The following PCDH9 variants were observed in gnomAD, a reference collection of about 807,000 sequenced individuals.
PCDH9 encodes protocadherin-9.
A neutral mutation model predicts 70.6 loss-of-function variants in PCDH9; 24 were observed. The observed-to-expected ratio is 0.34, with a 90% CI of 0.25 to 0.48. The LOEUF (loss-of-function observed/expected upper bound fraction) is 0.48. Ranked by LOEUF, PCDH9 falls within the 20% of genes least tolerant of loss-of-function variation. The pLI, the probability that PCDH9 is intolerant of heterozygous loss-of-function variation, is 0.99. For missense variants in PCDH9, 1,281 were observed against 1,503.6 expected (o/e 0.85, Z 2.45); for synonymous variants, 562 against 558.5 (o/e 1.01, Z -0.09).
chr13:66,868,321 TTG>T (rs1304198435), intron 3 of PCDH9, among the ~76,000 whole-genome samples: 5 of 152,040 alleles, frequency 3.3e-5, no homozygotes, highest in Admixed American at 3.3e-4. Context: ...ATGGTGAATT[TTG>T]ATAACATTGA....
At chr13:66,790,158 C>T (rs887204610) in intron 3 of PCDH9, among the ~76,000 whole-genome samples, 9 of 151,872 alleles carry the variant, frequency 5.9e-5, no homozygotes, top group African/African-American at 1.2e-4. Context: ...AAATGTAAAA[C>T]GGTATTTCAT....
chr13:66,727,375 G>C (rs549704728), intron 3 of PCDH9, among the ~76,000 whole-genome samples: 7 of 151,986 alleles, frequency 4.6e-5, no homozygotes, highest in Admixed American at 2.0e-4. Context: ...TTTTTAATTT[G>C]CTATCTGCTT....
At chr13:66,499,985 C>T (rs181101718) in intron 4 of PCDH9, among the ~76,000 whole-genome samples, 1 of 152,214 alleles carries the variant, frequency 6.6e-6, no homozygotes, top group East Asian at 1.9e-4. Flanking sequence ...GAAGCAGATG[C>T]TGGTGCCATG....
intron 4 of PCDH9, among the ~76,000 whole-genome samples, chr13:66,446,506 G>C (rs1314792284): frequency 6.6e-6 from 1 of 151,992 alleles, no homozygotes; most frequent in African/African-American, 2.4e-5. Flanking sequence ...TTATAAAAAG[G>C]CTAAAAGCCA....
intron 2 of PCDH9, among the ~76,000 whole-genome samples, chr13:66,919,086 G>A (rs994340409): frequency 1.7e-4 from 26 of 151,020 alleles, no homozygotes; most frequent in Middle Eastern, 3.4e-3. Flanking sequence ...CATACTTCAC[G>A]TTGGTGTTTC....
At chr13:66,435,753 T>C (rs913043536) in intron 4 of PCDH9, among the ~76,000 whole-genome samples, 3 of 152,228 alleles carry the variant, frequency 2.0e-5, no homozygotes, top group Non-Finnish European at 4.4e-5. Flanking sequence ...GTTTTAATCA[T>C]ATATAAATAT....
intron 3 of PCDH9, among the ~76,000 whole-genome samples, chr13:66,703,502 TTGCTTACCTCC>T (rs2078673328): frequency 6.6e-6 from 1 of 152,216 alleles, no homozygotes; most frequent in South Asian, 2.1e-4. Context: ...TCTCTTTGTG[TTGCTTACCTCC>T]AGATCCAGAG....
intron 3 of PCDH9, among the ~76,000 whole-genome samples, chr13:66,878,433 G>GCCAGTT (rs1174020433): frequency 6.6e-6 from 1 of 152,010 alleles, no homozygotes; most frequent in East Asian, 1.9e-4. Context: ...CACCTCGTTG[G>GCCAGTT]CCAGGCTAGT....
At chr13:66,524,980 G>A (rs1481492099) in intron 4 of PCDH9, among the ~76,000 whole-genome samples, 1 of 152,006 alleles carries the variant, frequency 6.6e-6, no homozygotes, top group East Asian at 1.9e-4. Context: ...GTGTGCATGT[G>A]AGAGAGAGAA....
intron 4 of PCDH9, among the ~76,000 whole-genome samples, chr13:66,589,684 C>G (rs756232931): frequency 8.6e-5 from 13 of 151,982 alleles, no homozygotes; most frequent in Non-Finnish European, 1.5e-4. Context: ...GTGGGAGCAG[C>G]GATGAATCCT....
intron 2 of PCDH9, among the ~76,000 whole-genome samples, chr13:67,059,132 T>C (rs963929101): frequency 6.6e-6 from 1 of 151,764 alleles, no homozygotes; most frequent in Non-Finnish European, 1.5e-5. Context: ...TCTTTCTCCC[T>C]TTATCTAAAA....
At chr13:67,056,570 T>C (rs76470487) in intron 2 of PCDH9, among the ~76,000 whole-genome samples, 3,288 of 152,250 alleles carry the variant, frequency 0.022, 124 homozygotes, top group African/African-American at 0.074. Context: ...AAATGTAAAC[T>C]GAAGGGCCCA....
intron 3 of PCDH9, among the ~76,000 whole-genome samples, chr13:66,638,437 G>A (rs1593819823): frequency 6.6e-6 from 1 of 152,100 alleles, no homozygotes; most frequent in African/African-American, 2.4e-5. Flanking sequence ...CAGATCTGTT[G>A]CCAGCCATAA....
chr13:67,079,048 G>A (rs950291632), intron 2 of PCDH9, among the ~76,000 whole-genome samples: 3 of 152,092 alleles, frequency 2.0e-5, no homozygotes, highest in Middle Eastern at 3.4e-3. Flanking sequence ...AGTGGCTCAC[G>A]CCTGTAATCA....
chr13:66,935,229 T>A (rs1317510521), intron 2 of PCDH9, among the ~76,000 whole-genome samples: 1 of 152,006 alleles, frequency 6.6e-6, no homozygotes, highest in Non-Finnish European at 1.5e-5. Context: ...GACTATTTTT[T>A]AATTTTTGTA....
At chr13:67,042,511 C>T (rs1420650580) in intron 2 of PCDH9, among the ~76,000 whole-genome samples, 1 of 151,974 alleles carries the variant, frequency 6.6e-6, no homozygotes, top group Non-Finnish European at 1.5e-5. Context: ...AAAACAAAAA[C>T]AAAACAAACA....
chr13:66,951,713 T>C (rs2083184434), intron 2 of PCDH9, among the ~76,000 whole-genome samples: 1 of 152,310 alleles, frequency 6.6e-6, no homozygotes, highest in Non-Finnish European at 1.5e-5. Flanking sequence ...TCAGATTTGA[T>C]GGTGCTATCT....
At chr13:66,367,000 T>A (rs570622078) in intron 4 of PCDH9, among the ~76,000 whole-genome samples, 1 of 152,244 alleles carries the variant, frequency 6.6e-6, no homozygotes, top group Non-Finnish European at 1.5e-5. Context: ...CTAATCATCT[T>A]TCATTTCCTA....
At chr13:67,142,441 G>A (rs908402838) in intron 2 of PCDH9, among the ~76,000 whole-genome samples, 3 of 152,084 alleles carry the variant, frequency 2.0e-5, no homozygotes, top group African/African-American at 7.2e-5. Flanking sequence ...TTTAAAATCA[G>A]CAATAGTTTT....
Sources: gnomAD v4.1 joint callset for allele counts (sites outside exome capture counted in the v4.1 genomes callset) on GRCh38, gnomAD v4.1.1 for gene constraint, MANE v1.5 for transcripts, NCBI Gene and HGNC (gene_info 2026-07-23, HGNC 2026-07-21) for gene names.